COG7: variants seen among roughly 807,000 people sequenced by gnomAD.
COG7 encodes the protein conserved oligomeric Golgi complex subunit 7.
COG7 carries 49 observed loss-of-function variants against 91.5 expected under a neutral mutation model. The observed-to-expected ratio is 0.54, with a 90% CI of 0.43 to 0.68. The LOEUF (loss-of-function observed/expected upper bound fraction) is 0.68. Ranked by LOEUF, COG7 falls within the 30% of genes least tolerant of loss-of-function variation. The pLI, the probability that COG7 is intolerant of heterozygous loss-of-function variation, is 0.00. For synonymous variants in COG7, 365 were observed against 388.7 expected (o/e 0.94, Z 0.72); for missense variants, 895 against 961.3 (o/e 0.93, Z 0.91).
chr16:23,444,511 C>CT (rs11437438), intron 3 of COG7, among the ~76,000 whole-genome samples: 34,639 of 132,592 alleles, frequency 0.26, 5,132 homozygotes, highest in African/African-American at 0.38. Context: ...TTTTCTTCTT[C>CT]TTTTTTTTTT....
At chr16:23,424,525 GCAC>G (rs1963812595) in intron 7 of COG7, among the ~76,000 whole-genome samples, 1 of 152,090 alleles carries the variant, frequency 6.6e-6, no homozygotes, top group South Asian at 2.1e-4. Flanking sequence ...AGCATGTAAG[GCAC>G]CCAGGCAGCA....
intron 16 of COG7, chr16:23,391,710 T>C (rs250584): frequency 6.4e-6 from 1 of 157,280 alleles, no homozygotes; most frequent in Non-Finnish European, 1.4e-5. Context: ...AGACAAGGTA[T>C]TGGAATGGCA....
At chr16:23,416,725 G>T in intron 9 of COG7, 1 of 562,962 alleles carries the variant, frequency 1.8e-6, no homozygotes, top group Non-Finnish European at 3.2e-6. Context: ...TGCTGCACAA[G>T]TTTCCCTCAT....
intron 15 of COG7, among the ~76,000 whole-genome samples, chr16:23,392,922 C>G (rs1198184126): frequency 6.6e-6 from 1 of 152,136 alleles, no homozygotes; most frequent in Non-Finnish European, 1.5e-5. Context: ...CACAGCAAGA[C>G]TCTGTCTCAA....
At chr16:23,438,297 G>A (rs186221407) in intron 4 of COG7, among the ~76,000 whole-genome samples, 90 of 152,252 alleles carry the variant, frequency 5.9e-4, no homozygotes, top group Non-Finnish European at 7.5e-4. Flanking sequence ...CCTGGCTCAC[G>A]CCTGTAATCT....
At chr16:23,424,645 T>G in intron 7 of COG7, 104 bp downstream of exon 7, 1 of 1,206,530 alleles carries the variant, frequency 8.3e-7, no homozygotes, top group South Asian at 1.2e-5. Flanking sequence ...CCCTTCCATT[T>G]CTGTAAAATC....
chr16:23,443,890 G>A (rs1250787667), intron 3 of COG7, among the ~76,000 whole-genome samples: 4 of 151,532 alleles, frequency 2.6e-5, no homozygotes, highest in Non-Finnish European at 1.5e-5. Flanking sequence ...GGTGACTCAC[G>A]CCTGTAATCC....
At chr16:23,451,514 G>A (rs1361641512) in intron 1 of COG7, among the ~76,000 whole-genome samples, 1 of 152,034 alleles carries the variant, frequency 6.6e-6, no homozygotes, top group Admixed American at 6.6e-5. Flanking sequence ...AGAAATTTGA[G>A]ATCAACCTGG....
At chr16:23,420,067 G>A (rs928692305) in intron 7 of COG7, among the ~76,000 whole-genome samples, 2 of 150,290 alleles carry the variant, frequency 1.3e-5, no homozygotes, top group Admixed American at 6.6e-5. Context: ...CCTTGAACCC[G>A]GGAAGCTGAG....
chr16:23,421,377 T>C (rs1421422574), intron 7 of COG7, among the ~76,000 whole-genome samples: 3 of 151,114 alleles, frequency 2.0e-5, no homozygotes, highest in Non-Finnish European at 4.4e-5. Flanking sequence ...GAGAGTTATT[T>C]TGTGTCACAG....
rs1964294700 is a variant in COG7 at position 23,453,131 on chromosome 16, A to G, written c.-137T>C. 1.4e-6 allele frequency: 2 copies of G among 1,479,844 alleles called. No homozygotes were observed. The highest frequency in any genetic ancestry group is 1.8e-6 in the Non-Finnish European group (2 of 1,112,568). The allele number at this position is 1,479,844 out of a possible 1,614,324, so 91.7% of individuals were successfully genotyped here. On this transcript the variant is annotated 5_prime_UTR_variant, in exon 1 of 17. Transcript: ENST00000307149. ...AACCCCAGAAACGCCAGGACGGGTA[A>G]CTTGCCCCTTTGCGCTTCCCCGCTC...
In COG7 at chr16:23,406,080, A is replaced by G; in HGVS notation, c.1658T>C (p.Leu553Pro). ...GCCATTCATTTGGTCTCATACCTTAAGGGTATAAAGTATTTCCATTAAACT... is the reference window on the plus strand; with the variant it reads ...GCCATTCATTTGGTCTCATACCTTAGGGGTATAAAGTATTTCCATTAAACT... ...YASLMEILYTLKEKGSSNHNL... is the reference protein window; with the variant it reads ...YASLMEILYTPKEKGSSNHNL... Residue 553 changes from leucine to proline, a missense_variant, in exon 12 of 17, where the codon CTT (leucine) becomes CCT (proline). Physicochemically the swap from Leu to Pro is moderately conservative, Grantham distance 98. Coordinates refer to ENST00000307149, the MANE Select transcript of COG7 (RefSeq NM_153603.4). 1 of 1,613,190 alleles carries G rather than the reference A, an allele frequency of 6.2e-7. No homozygotes were observed. Among genetic ancestry groups the G allele is most frequent in the Non-Finnish European group, 8.5e-7 (1 of 1,179,128 alleles).
At chr16:23,424,071 C>A (rs1331158089) in intron 7 of COG7, among the ~76,000 whole-genome samples, 2 of 152,216 alleles carry the variant, frequency 1.3e-5, no homozygotes, top group East Asian at 1.9e-4. Flanking sequence ...GAGGCCGAGG[C>A]GGGCAGATCA....
At position 23,393,562 on chromosome 16, in the gene COG7, C is replaced by T. The variant is rs535343070; in HGVS notation, c.1888-215G>A. Reference sequence around the variant, plus strand: ...GCATATAGATTATAGATTCATCCTTCTTATAATGACCTCAATATTTTTGAA... The same window carrying T: ...GCATATAGATTATAGATTCATCCTTTTTATAATGACCTCAATATTTTTGAA... On this transcript the variant is annotated intron_variant, in intron 14 of 16. Coordinates refer to ENST00000307149, the MANE Select transcript of COG7 (RefSeq NM_153603.4). 9.7e-5 allele frequency: 55 copies of T among 569,140 alleles called. 1 individual carries two copies. Among genetic ancestry groups the T allele is most frequent in the Non-Finnish European group, 1.6e-4 (50 of 317,334 alleles). The allele number at this position is 569,140 out of a possible 1,614,324, so 35.3% of individuals were successfully genotyped here. A position where few individuals can be genotyped will look rare whatever the true frequency, so the allele number is the denominator to read the frequency against.
At chr16:23,439,358 T>C (rs1004078259) in intron 4 of COG7, among the ~76,000 whole-genome samples, 11 of 150,232 alleles carry the variant, frequency 7.3e-5, no homozygotes. Context: ...ATTCCACTTC[T>C]GAGTAGATCC....
At position 23,410,363 on chromosome 16, in the gene COG7, A is replaced by T. The variant is rs776402942; in HGVS notation, c.1410-3T>A. ...GCTCTCCACAGGTGGCTATTATCCT[A>T]AACAAAACAAAAAGCACTTCAAGTT... On this transcript the variant is annotated splice_polypyrimidine_tract_variant and splice_region_variant and intron_variant, in intron 10 of 16. Transcript: ENST00000307149. The T allele has an allele frequency of 6.2e-7, 1 of 1,613,540 alleles. No homozygotes were observed. The highest frequency in any genetic ancestry group is 8.5e-7 in the Non-Finnish European group (1 of 1,179,622).
rs570556163 is a variant in COG7, at chr16:23,390,887, G to A, written c.2146+1493C>T. 2.0e-5 allele frequency among the ~76,000 whole-genome samples: 3 copies of A among 152,354 alleles called. No homozygotes were observed. The East Asian group carries it at 5.8e-4, about 29-fold the overall frequency. On this transcript the variant is annotated intron_variant, in intron 16 of 16. Coordinates refer to ENST00000307149, the MANE Select transcript of COG7 (RefSeq NM_153603.4). ...TTTACAAGTTTATCCATAAAACCGT[G>A]AGCTCCACTTGACTGTCAGCCAAGA...
Position 23,449,934 on chromosome 16 carries a change from C to T in COG7, c.169+2892G>A, listed in dbSNP as rs189790683. Among the ~76,000 whole-genome samples, 15 of 151,694 alleles carry T rather than the reference C, an allele frequency of 9.9e-5. No homozygotes were observed. The East Asian group carries it at 2.9e-3, about 30-fold the overall frequency. On this transcript the variant is annotated intron_variant, in intron 1 of 16. Coordinates refer to ENST00000307149, the MANE Select transcript of COG7 (RefSeq NM_153603.4). ...AAACCTCATATATGTGCTATTATAT[C>T]ATTATTATTATTATTTTTGAGACAG... is the stretch of plus-strand genomic sequence containing the variant.
At chr16:23,450,645 T>C (rs557298565) in intron 1 of COG7, among the ~76,000 whole-genome samples, 38 of 151,682 alleles carry the variant, frequency 2.5e-4, no homozygotes, top group African/African-American at 8.7e-4. Context: ...CTGGACAACA[T>C]AGTGAGACCC....
Sources: gnomAD v4.1 joint callset for allele counts (sites outside exome capture counted in the v4.1 genomes callset) on GRCh38, gnomAD v4.1.1 for gene constraint, MANE v1.5 for transcripts, NCBI Gene and HGNC (gene_info 2026-07-23, HGNC 2026-07-21) for gene names.